Variants in BCAR3 observed in about 807,000 individuals in gnomAD.
BCAR3 encodes BCAR3 adaptor protein, NSP family member.
In BCAR3, 37 loss-of-function variants were observed where a neutral mutation model predicts 80.1. The observed-to-expected ratio is 0.46, with a 90% CI of 0.36 to 0.61. The LOEUF is 0.61. Among genes scored for constraint, BCAR3 ranks in the 20% least tolerant of loss-of-function variants. The pLI, the probability that BCAR3 is intolerant of heterozygous loss-of-function variation, is 0.00. For missense variants in BCAR3, 978 were observed against 1,068.2 expected (o/e 0.92, Z 1.18); for synonymous variants, 389 against 418.9 (o/e 0.93, Z 0.87).
chr1:93,659,193 T>G (rs1647533601), intron 2 of BCAR3, among the ~76,000 whole-genome samples: 1 of 152,148 alleles, frequency 6.6e-6, no homozygotes, highest in Admixed American at 6.5e-5. Flanking sequence ...GGTTTTTTGT[T>G]GTTGTTGAGA....
rs200246434 is a variant in BCAR3 at position 93,576,050 on chromosome 1, G to C, written c.1766C>G (p.Pro589Arg). 2.3e-5 allele frequency: 37 copies of C among 1,614,136 alleles called. 1 individual carries two copies. Among genetic ancestry groups the C allele is most frequent in the Non-Finnish European group, 9.3e-6 (11 of 1,180,040 alleles). ...VSSGLELITLPHGHQLRLDII... is the reference protein window; with the variant it reads ...VSSGLELITLRHGHQLRLDII... ...GTCCAGGCGCAGCTGGTGTCCGTGA[G>C]GCAAGGTAATGAGTTCCAGGCCTGA... The change falls in exon 8 of 12, where the codon CCT (proline) becomes CGT (arginine). Residue 589 changes from proline to arginine, a missense_variant. By Grantham distance (103) the Pro-to-Arg change is moderately radical. Transcript: ENST00000260502.
At chr1:93,707,047 C>G (rs181659256) in intron 2 of BCAR3, among the ~76,000 whole-genome samples, 1 of 151,566 alleles carries the variant, frequency 6.6e-6, no homozygotes, top group South Asian at 2.1e-4. Flanking sequence ...TGGTGGCGGG[C>G]GCCTGTAATC....
chr1:93,778,334 T>C (rs974158274), intron 2 of BCAR3, among the ~76,000 whole-genome samples: 1 of 152,244 alleles, frequency 6.6e-6, no homozygotes, highest in African/African-American at 2.4e-5. Flanking sequence ...TTTATTCAAA[T>C]TTAAAATTAC....
intron 2 of BCAR3, among the ~76,000 whole-genome samples, chr1:93,714,635 T>A (rs1650135415): frequency 6.6e-6 from 1 of 152,128 alleles, no homozygotes; most frequent in Non-Finnish European, 1.5e-5. Flanking sequence ...GCTTTACTTG[T>A]ATTTTCAGCC....
chr1:93,579,789 G>A lies in BCAR3; in HGVS notation c.1686+2512C>T, dbSNP rs868675604. 5.9e-5 allele frequency among the ~76,000 whole-genome samples: 9 copies of A among 152,320 alleles called. No individual in the cohort carries two copies. In the South Asian group the frequency reaches 1.0e-3, roughly 18 times the overall value. ...GGAGCTTCCTCTATGGAGAACCCAC[G>A]CAGGTTCATACCAGGCCAGAGTCTC... On this transcript the variant is annotated intron_variant, in intron 7 of 11. Transcript: ENST00000260502.
At chr1:93,615,608 A>G (rs923748930) in intron 3 of BCAR3, among the ~76,000 whole-genome samples, 5 of 152,186 alleles carry the variant, frequency 3.3e-5, no homozygotes, top group African/African-American at 1.2e-4. Context: ...CTGAGCTGGA[A>G]GAGCCCTTGA....
intron 3 of BCAR3, among the ~76,000 whole-genome samples, chr1:93,632,007 CT>C (rs1192482935): frequency 3.3e-5 from 5 of 152,332 alleles, no homozygotes; most frequent in Middle Eastern, 3.4e-3. Context: ...AGTACCCATG[CT>C]GCCCCCACAC....
chr1:93,842,795 A>G (rs1352775652), intron 2 of BCAR3, among the ~76,000 whole-genome samples: 1 of 152,064 alleles, frequency 6.6e-6, no homozygotes, highest in East Asian at 1.9e-4. Flanking sequence ...CCATCACCCC[A>G]AACTGTACTT....
At chr1:93,776,332 G>A (rs1652545455) in intron 2 of BCAR3, among the ~76,000 whole-genome samples, 1 of 152,086 alleles carries the variant, frequency 6.6e-6, no homozygotes, top group Non-Finnish European at 1.5e-5. Context: ...GGCTAACTTT[G>A]TTTCATAGCC....
At chr1:93,777,401 C>CCTCCTT (rs1239760020) in intron 2 of BCAR3, among the ~76,000 whole-genome samples, 3 of 124,714 alleles carry the variant, frequency 2.4e-5, no homozygotes, top group African/African-American at 8.9e-5. Context: ...TCTTCTTCCT[C>CCTCCTT]TTCCTCCTCC....
At chr1:93,767,038 A>AG (rs398103028) in intron 2 of BCAR3, among the ~76,000 whole-genome samples, 1 of 152,076 alleles carries the variant, frequency 6.6e-6, no homozygotes, top group Non-Finnish European at 1.5e-5. Context: ...GTAAAAAAAA[A>AG]GCCTCCTTTT....
chr1:93,614,105 T>G (rs1300799240), intron 3 of BCAR3: 1 of 1,414,822 alleles, frequency 7.1e-7, no homozygotes, highest in African/African-American at 1.4e-5. Context: ...TCTGGGACTT[T>G]TCCCCTCTGC....
At chr1:93,613,577 G>C (rs1235085529) in intron 3 of BCAR3, among the ~76,000 whole-genome samples, 8 of 152,202 alleles carry the variant, frequency 5.3e-5, no homozygotes, top group African/African-American at 1.7e-4. Context: ...AGCTACTTTA[G>C]TATAAAATTT....
In BCAR3 at chr1:93,833,950, A is replaced by C. The variant is rs143351530; in HGVS notation, c.-63+11617T>G. 2.6e-3 allele frequency among the ~76,000 whole-genome samples: 391 copies of C among 152,300 alleles called. 2 individuals are homozygous for C. The highest frequency in any genetic ancestry group is 8.9e-3 in the African/African-American group (368 of 41,546). On this transcript the variant is annotated intron_variant, in intron 2 of 13. Coordinates refer to the BCAR3 transcript ENST00000370244. ...TGATAAATGTCCATGAAATCTTCAAAATTTACATTCAGAGATTGCAGTAAA... is the reference window on the plus strand; with the variant it reads ...TGATAAATGTCCATGAAATCTTCAACATTTACATTCAGAGATTGCAGTAAA...
intron 2 of BCAR3, among the ~76,000 whole-genome samples, chr1:93,727,462 G>A (rs916676183): frequency 6.6e-6 from 1 of 152,228 alleles, no homozygotes; most frequent in African/African-American, 2.4e-5. Context: ...CTTCTTGTAA[G>A]CTCGGCAATG....
intron 2 of BCAR3, among the ~76,000 whole-genome samples, chr1:93,780,364 C>T (rs759368253): frequency 1.3e-5 from 2 of 152,204 alleles, no homozygotes; most frequent in Non-Finnish European, 2.9e-5. Context: ...GTTTCTTCCA[C>T]TCCAACTCTT....
chr1:93,663,989 T>C (rs1365925561), intron 2 of BCAR3, among the ~76,000 whole-genome samples: 2 of 152,214 alleles, frequency 1.3e-5, no homozygotes, highest in Non-Finnish European at 2.9e-5. Context: ...ACCTCGACCT[T>C]GGGAATCCTT....
At chr1:93,842,238 G>A (rs1335647763) in intron 2 of BCAR3, among the ~76,000 whole-genome samples, 1 of 149,820 alleles carries the variant, frequency 6.7e-6, no homozygotes, top group East Asian at 2.0e-4. Flanking sequence ...TGCAACCTCT[G>A]CCTCCCAGGT....
At chr1:93,755,305 G>A (rs75760729) in intron 2 of BCAR3, among the ~76,000 whole-genome samples, 17,804 of 152,036 alleles carry the variant, frequency 0.12, 1,460 homozygotes, top group African/African-American at 0.22. Flanking sequence ...AGTGTACAGT[G>A]TTTATAAAGT....
Sources: gnomAD v4.1 joint callset for allele counts (sites outside exome capture counted in the v4.1 genomes callset) on GRCh38, gnomAD v4.1.1 for gene constraint, MANE v1.5 for transcripts, NCBI Gene and HGNC (gene_info 2026-07-23, HGNC 2026-07-21) for gene names.